The following COMMD1 variants were observed in gnomAD, a reference collection of about 807,000 sequenced individuals.
COMMD1 encodes the protein copper metabolism domain containing 1.
A neutral mutation model predicts 17.2 loss-of-function variants in COMMD1; 10 were observed. The observed-to-expected ratio is 0.58, with a 90% CI of 0.36 to 0.99. COMMD1 has a LOEUF of 0.99. COMMD1 is among the 50% of genes least tolerant of loss of function. COMMD1 has a pLI of 0.01. For missense variants in COMMD1, 270 were observed against 231.8 expected (o/e 1.17, Z -1.07); for synonymous variants, 97 against 91.6 (o/e 1.06, Z -0.34).
intron 2 of COMMD1, among the ~76,000 whole-genome samples, chr2:62,068,620 CTTTTTTTTTTTTT>C (rs67517468): frequency 4.5e-5 from 4 of 89,240 alleles, no homozygotes; most frequent in East Asian, 3.2e-4. Flanking sequence ...GTAGTATAAT[CTTTTTTTTTTTTT>C]TTTTTTTTTT....
chr2:62,130,810 A>G (rs1044432762), intron 2 of COMMD1, among the ~76,000 whole-genome samples: 9 of 152,246 alleles, frequency 5.9e-5, no homozygotes, highest in Admixed American at 1.3e-4. Context: ...AAAATGGACA[A>G]TAATACTCAA....
chr2:62,012,270 T>TACACACACACACACACAC (rs57739132), intron 2 of COMMD1, among the ~76,000 whole-genome samples: 3 of 129,896 alleles, frequency 2.3e-5, no homozygotes, highest in South Asian at 2.5e-4. Context: ...CACACACACA[T>TACACACACACACACACAC]ACACACACAC....
chr2:61,929,743 A>G (rs11125901), intron 1 of COMMD1, among the ~76,000 whole-genome samples: 138,476 of 152,160 alleles, frequency 0.91, 63,135 homozygotes, highest in East Asian at 1. Flanking sequence ...ACCAGCCTAA[A>G]CAACATAATG....
chr2:62,082,586 G>A (rs753864148), intron 2 of COMMD1, among the ~76,000 whole-genome samples: 4 of 152,194 alleles, frequency 2.6e-5, no homozygotes, highest in South Asian at 2.1e-4. Flanking sequence ...TCTTGGCCGG[G>A]TGCGGTGGCT....
At chr2:62,010,799 C>T (rs1486152234) in intron 2 of COMMD1, among the ~76,000 whole-genome samples, 1 of 152,220 alleles carries the variant, frequency 6.6e-6, no homozygotes, top group Non-Finnish European at 1.5e-5. Flanking sequence ...ATCACCATCA[C>T]CTCTCTCCTA....
intron 2 of COMMD1, among the ~76,000 whole-genome samples, chr2:62,079,287 A>T (rs1444728372): frequency 1.3e-5 from 2 of 152,324 alleles, no homozygotes; most frequent in East Asian, 3.9e-4. Context: ...CACCCTGGGT[A>T]CAGTGCTTGT....
intron 1 of COMMD1, among the ~76,000 whole-genome samples, chr2:61,947,462 C>T (rs1177794382): frequency 3.3e-5 from 5 of 151,832 alleles, no homozygotes; most frequent in African/African-American, 7.3e-5. Flanking sequence ...GTGGGCGGAT[C>T]GCCTGATGGT....
intron 1 of COMMD1, chr2:61,968,945 C>CTTT (rs57247770): frequency 6.7e-4 from 143 of 213,882 alleles, no homozygotes; most frequent in Middle Eastern, 1.2e-3. Flanking sequence ...TTTATTTAGT[C>CTTT]TTTTTTTTTT....
chr2:61,985,263 G>T (rs1188332532), intron 1 of COMMD1, among the ~76,000 whole-genome samples: 1 of 152,088 alleles, frequency 6.6e-6, no homozygotes, highest in African/African-American at 2.4e-5. Flanking sequence ...TGTTAGCCAG[G>T]ATGGTCTCGA....
intron 1 of COMMD1, among the ~76,000 whole-genome samples, chr2:61,966,022 G>C (rs988078748): frequency 6.6e-6 from 1 of 152,184 alleles, no homozygotes; most frequent in Non-Finnish European, 1.5e-5. Context: ...TCTGAGCACA[G>C]TCATTTTCTA....
At chr2:61,927,541 C>T (rs535998927) in intron 1 of COMMD1, among the ~76,000 whole-genome samples, 78 of 152,100 alleles carry the variant, frequency 5.1e-4, no homozygotes, top group African/African-American at 1.7e-3. Flanking sequence ...TACAGATGCC[C>T]GCCCGCCACC....
chr2:61,944,658 G>A (rs1670860190), intron 1 of COMMD1, among the ~76,000 whole-genome samples: 1 of 152,032 alleles, frequency 6.6e-6, no homozygotes, highest in African/African-American at 2.4e-5. Flanking sequence ...GTAATTTCTG[G>A]CATCTCCAAA....
chr2:62,053,969 A>T (rs1381901608), intron 2 of COMMD1, among the ~76,000 whole-genome samples: 1 of 152,238 alleles, frequency 6.6e-6, no homozygotes, highest in Non-Finnish European at 1.5e-5. Flanking sequence ...GGGGTCTAAC[A>T]TCAAAAATAC....
chr2:61,935,364 A>G (rs1251203715), intron 1 of COMMD1, among the ~76,000 whole-genome samples: 1 of 152,168 alleles, frequency 6.6e-6, no homozygotes, highest in Non-Finnish European at 1.5e-5. Context: ...CGTGGTGGCT[A>G]ACGCCTGTAA....
chr2:61,942,666 A>G (rs1418104086), intron 1 of COMMD1, among the ~76,000 whole-genome samples: 1 of 151,200 alleles, frequency 6.6e-6, no homozygotes, highest in East Asian at 1.9e-4. Flanking sequence ...CAGCCTCCCA[A>G]GTAGTTGGGA....
rs1035985414 is a variant in COMMD1, at chr2:62,116,367, G to A, written c.463-19464G>A. Among the ~76,000 whole-genome samples the A allele has an allele frequency of 5.9e-5, 9 of 152,156 alleles. No homozygotes were observed. The East Asian group carries it at 1.5e-3, about 26-fold the overall frequency. On this transcript the variant is annotated intron_variant, in intron 2 of 2. Coordinates refer to ENST00000311832, the MANE Select transcript of COMMD1 (RefSeq NM_152516.4). ...TAATTTTACAGAGAAACTATGTTAA[G>A]TTGTAGTTAAGATGTTTTTCTTGGC...
chr2:61,902,375 G>A (rs1308826882), upstream of COMMD1, among the ~76,000 whole-genome samples: 8 of 151,340 alleles, frequency 5.3e-5, no homozygotes, highest in African/African-American at 1.9e-4. Context: ...GTGTGGTGGC[G>A]CACGCCTGTA....
intron 2 of COMMD1, among the ~76,000 whole-genome samples, chr2:62,062,831 A>G (rs1670904217): frequency 6.6e-6 from 1 of 151,996 alleles, no homozygotes. Flanking sequence ...CCACTTTCGG[A>G]GGCCAAGGCA....
intron 1 of COMMD1, among the ~76,000 whole-genome samples, chr2:61,987,774 T>C (rs1672143948): frequency 6.6e-6 from 1 of 152,208 alleles, no homozygotes; most frequent in Non-Finnish European, 1.5e-5. Context: ...TGAGTTCTCC[T>C]GAGCCCTAGT....
Sources: gnomAD v4.1 joint callset for allele counts (sites outside exome capture counted in the v4.1 genomes callset) on GRCh38, gnomAD v4.1.1 for gene constraint, MANE v1.5 for transcripts, NCBI Gene and HGNC (gene_info 2026-07-23, HGNC 2026-07-21) for gene names.